Variants in CCDC171 observed in about 807,000 individuals in gnomAD.
CCDC171 encodes coiled-coil domain-containing protein 171.
In CCDC171, 177 loss-of-function variants were observed where a neutral mutation model predicts 168.2. The ratio of observed to expected loss-of-function variants is 1.05; its 90% CI spans 0.93 to 1.19. The LOEUF is 1.19. Ranked by LOEUF, CCDC171 falls within the 50% of genes most tolerant of loss-of-function variation. The pLI is 0.00. For missense variants in CCDC171, 1,991 were observed against 1,539.0 expected, an observed-to-expected ratio of 1.29 and a Z score of -4.91; for synonymous variants, 687 against 540.8, an observed-to-expected ratio of 1.27 and a Z score of -3.75.
chr9:15,570,784 T>C (rs566674615), intron 2 of CCDC171, among the ~76,000 whole-genome samples: 2 of 152,224 alleles, frequency 1.3e-5, no homozygotes, highest in African/African-American at 4.8e-5. Context: ...GAGCGCTCTT[T>C]CCTTATATAA....
At chr9:15,842,820 G>A (rs189328007) in intron 21 of CCDC171, among the ~76,000 whole-genome samples, 108 of 151,706 alleles carry the variant, frequency 7.1e-4, no homozygotes, top group African/African-American at 2.4e-3. Flanking sequence ...CTTAATAAAC[G>A]TTTGAAGCTT....
At chr9:15,796,082 T>C (rs971478927) in intron 21 of CCDC171, among the ~76,000 whole-genome samples, 6 of 152,200 alleles carry the variant, frequency 3.9e-5, no homozygotes, top group Non-Finnish European at 8.8e-5. Context: ...ACACTTTAGG[T>C]GGTAGAAATA....
rs969923007 is a variant in CCDC171, at chr9:16,051,924, C to A, written n.90-8722C>A. Among the ~76,000 whole-genome samples the A allele has an allele frequency of 4.6e-5, 7 of 152,172 alleles. No individual in the cohort carries two copies. The East Asian group carries it at 1.3e-3, about 29-fold the overall frequency. ...GGAAGTCGAATGAGGAGCAAAGTCA[C>A]GTCTTACACAGTGGCAGGCAAGAGA... On this transcript the variant is annotated intron_variant and non_coding_transcript_variant, in intron 1 of 1. Transcript: ENST00000478913.
chr9:15,722,501 T>A (rs1490183201), intron 12 of CCDC171, among the ~76,000 whole-genome samples: 2 of 152,248 alleles, frequency 1.3e-5, no homozygotes, highest in African/African-American at 2.4e-5. Flanking sequence ...TATGAATTTG[T>A]GCTTTAAGAA....
chr9:15,983,060 T>C (rs762621948), intron 3 of CCDC171, among the ~76,000 whole-genome samples: 1 of 152,232 alleles, frequency 6.6e-6, no homozygotes, highest in Non-Finnish European at 1.5e-5. Flanking sequence ...CACTTAACTA[T>C]GGACTTGTGT....
At chr9:15,979,661 GTAA>G (rs1011000639) in intron 3 of CCDC171, among the ~76,000 whole-genome samples, 4 of 151,826 alleles carry the variant, frequency 2.6e-5, no homozygotes, top group African/African-American at 7.3e-5. Context: ...GGTGTGGTAT[GTAA>G]TCTTTTTTTT....
intron 7 of CCDC171, among the ~76,000 whole-genome samples, chr9:15,656,324 A>G (rs1407736784): frequency 6.6e-6 from 1 of 151,730 alleles, no homozygotes; most frequent in Non-Finnish European, 1.5e-5. Context: ...TCCGTCTCAA[A>G]AAAAAAAAAA....
chr9:15,731,638 ATT>A (rs2054156445), intron 16 of CCDC171, among the ~76,000 whole-genome samples: 1 of 152,084 alleles, frequency 6.6e-6, no homozygotes. Flanking sequence ...TTTTTTAAAT[ATT>A]GTAAGTAAAA....
At chr9:15,844,567 C>CT in intron 21 of CCDC171, among the ~76,000 whole-genome samples, 1 of 151,904 alleles carries the variant, frequency 6.6e-6, no homozygotes, top group East Asian at 1.9e-4. Flanking sequence ...AAACTGTGAT[C>CT]TTTTTTCCAA....
the CCDC171 span, among the ~76,000 whole-genome samples, chr9:16,070,001 C>G: frequency 2.6e-5 from 4 of 151,140 alleles, no homozygotes; most frequent in African/African-American, 4.8e-5. Context: ...CCCTGTCCAT[C>G]TGTCTGTCTG....
chr9:16,092,355 G>T, the CCDC171 span, among the ~76,000 whole-genome samples: 9 of 152,328 alleles, frequency 5.9e-5, no homozygotes, highest in East Asian at 1.9e-4. Context: ...AGCTCCAAAG[G>T]TGTGGGTGGC....
chr9:15,990,608 C>T (rs902485847), intron 3 of CCDC171, among the ~76,000 whole-genome samples: 15 of 152,150 alleles, frequency 9.9e-5, no homozygotes, highest in African/African-American at 3.4e-4. Flanking sequence ...GCTAAATGCT[C>T]CAATTAAAAG....
intron 21 of CCDC171, among the ~76,000 whole-genome samples, chr9:15,790,027 G>A (rs1465218948): frequency 6.6e-6 from 1 of 152,122 alleles, no homozygotes; most frequent in Admixed American, 6.5e-5. Context: ...TTGGTTCGAA[G>A]TCTTTGCTAT....
At chr9:15,882,189 A>G (rs920036097) in intron 24 of CCDC171, among the ~76,000 whole-genome samples, 1 of 152,164 alleles carries the variant, frequency 6.6e-6, no homozygotes, top group African/African-American at 2.4e-5. Context: ...TGTGATAGTT[A>G]ATGATGTTGA....
chr9:15,753,213 A>G (rs1012411850), intron 18 of CCDC171, among the ~76,000 whole-genome samples: 3 of 152,150 alleles, frequency 2.0e-5, no homozygotes, highest in African/African-American at 4.8e-5. Context: ...TTGTGGGCTT[A>G]TGAGTATAGG....
intron 3 of CCDC171, among the ~76,000 whole-genome samples, chr9:16,012,634 C>G (rs1282323260): frequency 6.6e-6 from 1 of 150,506 alleles, no homozygotes; most frequent in Non-Finnish European, 1.5e-5. Flanking sequence ...GCAGCATGCT[C>G]TCCTTCCATG....
chr9:16,071,391 C>A, the CCDC171 span, among the ~76,000 whole-genome samples: 1 of 152,188 alleles, frequency 6.6e-6, no homozygotes, highest in Non-Finnish European at 1.5e-5. Context: ...TCTGTGTCTT[C>A]CCCCTAAGTC....
chr9:15,900,741 A>AT (rs1255041045), intron 24 of CCDC171, among the ~76,000 whole-genome samples: 5 of 152,340 alleles, frequency 3.3e-5, no homozygotes, highest in African/African-American at 1.2e-4. Flanking sequence ...TAGGACATAC[A>AT]TGCTGTGAGA....
chr9:15,577,920 G>T (rs999917111), intron 3 of CCDC171, among the ~76,000 whole-genome samples: 1 of 152,168 alleles, frequency 6.6e-6, no homozygotes, highest in Non-Finnish European at 1.5e-5. Flanking sequence ...CATTCCACAT[G>T]TGCCTCTCAT....
Sources: gnomAD v4.1 joint callset for allele counts (sites outside exome capture counted in the v4.1 genomes callset) on GRCh38, gnomAD v4.1.1 for gene constraint, MANE v1.5 for transcripts, NCBI Gene and HGNC (gene_info 2026-07-23, HGNC 2026-07-21) for gene names.